The following LEKR1 variants were observed in gnomAD, a reference collection of about 807,000 sequenced individuals.
LEKR1 encodes the protein leucine, glutamate and lysine rich 1.
A neutral mutation model predicts 72.4 loss-of-function variants in LEKR1; 59 were observed. The ratio of observed to expected loss-of-function variants is 0.82; its 90% CI spans 0.66 to 1.01. The LOEUF (loss-of-function observed/expected upper bound fraction) is 1.01. Ranked by LOEUF, LEKR1 falls within the 50% of genes least tolerant of loss-of-function variation. The pLI is 0.00. For synonymous variants in LEKR1, 257 were observed against 263.2 expected (o/e 0.98, Z 0.23); for missense variants, 728 against 759.2 (o/e 0.96, Z 0.48).
chr3:156,993,086 G>A lies in LEKR1; in HGVS notation c.918G>A (p.Leu306=). The change falls in exon 9 of 13, where the codon CTG becomes CTA. Residue 306 remains leucine, a synonymous_variant. Coordinates refer to ENST00000356539, the MANE Select transcript of LEKR1 (RefSeq NM_001004316.3). ...TATTTCTTTTTAGGCATACTATGCT[G>A]CTTAAGGAAAAAGAAGACTCTTTAA... is the stretch of plus-strand genomic sequence containing the variant. ...SIISESQHTM[L]LKEKEDSLMT... 6.3e-7 allele frequency: 1 copy of A among 1,597,928 alleles called. No individual in the cohort carries two copies. Among genetic ancestry groups the A allele is most frequent in the Non-Finnish European group, 8.5e-7 (1 of 1,172,554 alleles).
At chr3:156,942,777 C>A in intron 6 of LEKR1, 63 bp downstream of exon 6, 1 of 702,138 alleles carries the variant, frequency 1.4e-6, no homozygotes, top group Non-Finnish European at 2.0e-6. Context: ...TAAATGTTTA[C>A]ATTTTTACTT....
At chr3:156,934,643 G>A (rs907140212) in intron 5 of LEKR1, among the ~76,000 whole-genome samples, 3 of 152,080 alleles carry the variant, frequency 2.0e-5, no homozygotes, top group Admixed American at 1.3e-4. Flanking sequence ...TTTAAGGATT[G>A]TTGGAATCAT....
In LEKR1 at chr3:157,034,131, C is replaced by G. The variant is rs145020912; in HGVS notation, c.1668+5729C>G. Among the ~76,000 whole-genome samples the G allele has an allele frequency of 5.4e-3, 816 of 152,076 alleles. 9 individuals carry two copies. Among genetic ancestry groups the G allele is most frequent in the East Asian group, 0.024 (124 of 5,184 alleles). Reference sequence around the variant, plus strand: ...ACCCAAGAGCTCTGATGGAGATGTACAAGGGGATTAATGTTTTCATGCCTG... The same window carrying G: ...ACCCAAGAGCTCTGATGGAGATGTAGAAGGGGATTAATGTTTTCATGCCTG... On this transcript the variant is annotated intron_variant, in intron 12 of 12. Coordinates refer to ENST00000356539, the MANE Select transcript of LEKR1 (RefSeq NM_001004316.3).
Position 156,991,957 on chromosome 3 carries a change from T to C in LEKR1, c.828-696T>C, listed in dbSNP as rs142571918. 2.8e-4 allele frequency among the ~76,000 whole-genome samples: 42 copies of C among 152,322 alleles called. No homozygotes were observed. The East Asian group carries it at 3.8e-3, about 14-fold the overall frequency. On this transcript the variant is annotated intron_variant, in intron 7 of 12. Coordinates refer to ENST00000356539, the MANE Select transcript of LEKR1 (RefSeq NM_001004316.3). ...ATTTCTCCAAAAAATATTGTTGTCG[T>C]TGTTATTGTTGAGAGTGGTGAAGTG... is the stretch of plus-strand genomic sequence containing the variant.
At chr3:156,949,649 C>T (rs997042216) in intron 6 of LEKR1, among the ~76,000 whole-genome samples, 21 of 151,076 alleles carry the variant, frequency 1.4e-4, no homozygotes, top group African/African-American at 4.8e-4. Context: ...ATAACAGTCC[C>T]GACCTTCTAG....
Position 157,011,521 on chromosome 3 carries a change from G to T in LEKR1, c.1203+15G>T, listed in dbSNP as rs554526373. Reference sequence around the variant, plus strand: ...GGAAGGAGAAGGTAATGGTAGTGTGGCTTTCATCAGCATGCAACCTATTTG... The same window carrying T: ...GGAAGGAGAAGGTAATGGTAGTGTGTCTTTCATCAGCATGCAACCTATTTG... On this transcript the variant is annotated intron_variant, in intron 10 of 12. Coordinates refer to ENST00000356539, the MANE Select transcript of LEKR1 (RefSeq NM_001004316.3). 4.5e-6 allele frequency: 7 copies of T among 1,540,290 alleles called. No homozygotes were observed. The highest frequency in any genetic ancestry group is 6.3e-6 in the Non-Finnish European group (7 of 1,113,132).
intron 3 of LEKR1, among the ~76,000 whole-genome samples, chr3:156,867,786 G>A (rs575868761): frequency 6.6e-6 from 1 of 151,922 alleles, no homozygotes; most frequent in Non-Finnish European, 1.5e-5. Flanking sequence ...ATCTGCCCTT[G>A]TATTACCCAC....
chr3:156,932,089 A>T (rs1444872063), intron 5 of LEKR1, among the ~76,000 whole-genome samples: 2 of 152,186 alleles, frequency 1.3e-5, no homozygotes, highest in African/African-American at 2.4e-5. Flanking sequence ...TATTCACAGG[A>T]TGGATTGATG....
In LEKR1 at chr3:156,838,056, A is replaced by C. The variant is rs1713384663; in HGVS notation, c.48+8679A>C. 2.6e-5 allele frequency among the ~76,000 whole-genome samples: 4 copies of C among 152,228 alleles called. No individual in the cohort carries two copies. In the South Asian group the frequency reaches 8.3e-4, roughly 31 times the overall value. On this transcript the variant is annotated intron_variant, in intron 2 of 12. Coordinates refer to ENST00000356539, the MANE Select transcript of LEKR1 (RefSeq NM_001004316.3). ...ATACACATGACAAAACACAGACACC[A>C]GTCACCCCGCTTAGCATCCAAGTAT...
chr3:156,927,339 G>A (rs1724810800), intron 4 of LEKR1, 90 bp from the exon 5 acceptor site: 4 of 423,568 alleles, frequency 9.4e-6, no homozygotes, highest in Non-Finnish European at 1.4e-5. Flanking sequence ...TTAGACACTA[G>A]ATTATATGGT....
At chr3:156,862,993 G>T (rs1036889458) in intron 3 of LEKR1, among the ~76,000 whole-genome samples, 1 of 152,056 alleles carries the variant, frequency 6.6e-6, no homozygotes, top group Non-Finnish European at 1.5e-5. Flanking sequence ...CAAAAAACAA[G>T]AATTTGAATA....
intron 12 of LEKR1, among the ~76,000 whole-genome samples, chr3:157,041,619 C>T (rs1295668999): frequency 6.6e-6 from 1 of 152,154 alleles, no homozygotes; most frequent in African/African-American, 2.4e-5. Flanking sequence ...GCCCACTCTG[C>T]CTTGAAAACC....
At chr3:156,863,178 T>C (rs1716954319) in intron 3 of LEKR1, among the ~76,000 whole-genome samples, 2 of 151,906 alleles carry the variant, frequency 1.3e-5, no homozygotes, top group Non-Finnish European at 2.9e-5. Flanking sequence ...TTGGAAGAAA[T>C]CCCCAGGAAG....
chr3:157,020,530 T>G (rs1180983904), intron 10 of LEKR1, among the ~76,000 whole-genome samples: 1 of 148,814 alleles, frequency 6.7e-6, no homozygotes, highest in Non-Finnish European at 1.5e-5. Context: ...CACGCGGTGT[T>G]TGGTTTTTTG....
intron 3 of LEKR1, among the ~76,000 whole-genome samples, chr3:156,899,284 A>G (rs1721544426): frequency 6.8e-6 from 1 of 147,114 alleles, no homozygotes. Context: ...GTATATATAT[A>G]CATGTATATA....
Position 157,045,538 on chromosome 3 carries a change from G to C in LEKR1, c.1867G>C (p.Ala623Pro), listed in dbSNP as rs374731908. 6.8e-6 allele frequency: 11 copies of C among 1,614,042 alleles called. No homozygotes were observed. Among genetic ancestry groups the C allele is most frequent in the Non-Finnish European group, 9.3e-6 (11 of 1,180,028 alleles). Residue 623 changes from alanine (A) to proline (P), a missense_variant, in exon 13 of 13, where the codon GCA (alanine) becomes CCA (proline). Transcript: ENST00000356539. Reference protein sequence around the residue: ...AVSNHGERSLARLNSEKGIQI... With the variant: ...AVSNHGERSLPRLNSEKGIQI... ...CAGTAATCATGGAGAGAGAAGCCTTGCAAGACTGAACTCTGAAAAAGGAAT... is the reference window on the plus strand; with the variant it reads ...CAGTAATCATGGAGAGAGAAGCCTTCCAAGACTGAACTCTGAAAAAGGAAT...
chr3:157,001,218 C>G (rs1020256073), intron 9 of LEKR1, among the ~76,000 whole-genome samples: 1 of 152,138 alleles, frequency 6.6e-6, no homozygotes, highest in Non-Finnish European at 1.5e-5. Flanking sequence ...TAATTGAAAA[C>G]AATAAATTTT....
chr3:157,011,815 G>T (rs1414180449), intron 10 of LEKR1, among the ~76,000 whole-genome samples: 1 of 151,870 alleles, frequency 6.6e-6, no homozygotes, highest in African/African-American at 2.4e-5. Flanking sequence ...ATCTACATTT[G>T]ATCATATTCT....
chr3:156,965,573 C>A (rs1728494293), intron 6 of LEKR1, among the ~76,000 whole-genome samples: 1 of 152,072 alleles, frequency 6.6e-6, no homozygotes, highest in Admixed American at 6.5e-5. Context: ...AATTATATAT[C>A]CATACTTATT....
Sources: allele counts gnomAD v4.1 joint callset (sites outside exome capture counted in the v4.1 genomes callset), GRCh38; gene constraint gnomAD v4.1.1; transcripts MANE v1.5; gene names NCBI Gene and HGNC (gene_info 2026-07-23, HGNC 2026-07-21).